Variants in PTPRO observed in about 807,000 individuals in gnomAD.
The protein encoded by PTPRO is protein tyrosine phosphatase receptor type O.
PTPRO carries 62 observed loss-of-function variants against 145.2 expected under a neutral mutation model. The ratio of observed to expected loss-of-function variants is 0.43; its 90% confidence interval spans 0.35 to 0.53. The LOEUF (loss-of-function observed/expected upper bound fraction) is 0.53. Ranked by LOEUF, PTPRO falls within the 20% of genes least tolerant of loss-of-function variation. The probability of loss-of-function intolerance (pLI) is 0.01; values close to 1 mark genes in which losing one functional copy is unlikely to be tolerated. For missense variants in PTPRO, 1,345 were observed against 1,482.7 expected (o/e 0.91, Z 1.53); for synonymous variants, 565 against 514.7 (o/e 1.10, Z -1.32).
intron 1 of PTPRO, among the ~76,000 whole-genome samples, chr12:15,442,119 GA>G (rs1407538285): frequency 6.6e-6 from 1 of 152,060 alleles, no homozygotes. Context: ...CTAGCATACT[GA>G]ATTCAGAAAC....
chr12:15,490,810 C>G (rs1187571576), intron 2 of PTPRO, among the ~76,000 whole-genome samples: 1 of 152,006 alleles, frequency 6.6e-6, no homozygotes, highest in East Asian at 1.9e-4. Context: ...ACAGATTGGG[C>G]AGGGAAATAT....
chr12:15,552,795 C>CTTTTTTT (rs747379253), intron 15 of PTPRO, among the ~76,000 whole-genome samples: 20 of 91,564 alleles, frequency 2.2e-4, no homozygotes, highest in East Asian at 3.8e-4. Context: ...GAGGTCAAAT[C>CTTTTTTT]TTTTTTTTTT....
Position 15,524,923 on chromosome 12 carries a change from C to G in PTPRO, c.2001C>G (p.His667Gln), listed in dbSNP as rs756880818. ...TTDLSHSRMLHWMVVAEGKKK... is the reference protein window; with the variant it reads ...TTDLSHSRMLQWMVVAEGKKK... ...ACTTGTCCCATTCTAGAATGCTTCA[C>G]TGGATGGTGGTTGCAGAAGGAAAAA... Residue 667 changes from histidine (H) to glutamine (Q), a missense_variant, in exon 11 of 27, where the codon CAC becomes CAG. Physicochemically the swap from His to Gln is conservative, Grantham distance 24 (BLOSUM62 0). This residue lies in a region of PTPRO where 1,130 missense variants were observed against 1,214.7 expected (regional missense o/e 0.93). Transcript: ENST00000281171. 6.2e-7 allele frequency: 1 copy of G among 1,613,884 alleles called. No individual in the cohort carries two copies. The highest frequency in any genetic ancestry group is 8.5e-7 in the Non-Finnish European group (1 of 1,179,938).
At chr12:15,535,701 G>A (rs1943053214) in intron 12 of PTPRO, among the ~76,000 whole-genome samples, 1 of 152,134 alleles carries the variant, frequency 6.6e-6, no homozygotes, top group Non-Finnish European at 1.5e-5. Flanking sequence ...ACTGGGGTGT[G>A]GCCTTTTTCC....
At chr12:15,329,140 T>G (rs1360629336) in intron 1 of PTPRO, among the ~76,000 whole-genome samples, 2 of 152,186 alleles carry the variant, frequency 1.3e-5, no homozygotes, top group African/African-American at 4.8e-5. Flanking sequence ...CTCAATACTG[T>G]TCCTTCATTA....
At chr12:15,507,465 G>T (rs547300253) in intron 6 of PTPRO, among the ~76,000 whole-genome samples, 1 of 150,256 alleles carries the variant, frequency 6.7e-6, no homozygotes, top group Non-Finnish European at 1.5e-5. Flanking sequence ...AATGAAATAC[G>T]TAACACATAA....
intron 1 of PTPRO, among the ~76,000 whole-genome samples, chr12:15,444,897 C>T (rs78223111): frequency 6.6e-6 from 1 of 152,114 alleles, no homozygotes; most frequent in African/African-American, 2.4e-5. Flanking sequence ...GTAGTTTTCA[C>T]ACTGGCCTTA....
At chr12:15,572,677 G>A (rs942937441) in intron 19 of PTPRO, among the ~76,000 whole-genome samples, 1 of 152,008 alleles carries the variant, frequency 6.6e-6, no homozygotes, top group East Asian at 1.9e-4. Flanking sequence ...TTTGGAGTTT[G>A]TACAGAAGTT....
At chr12:15,521,407 G>A (rs188123440) in intron 10 of PTPRO, among the ~76,000 whole-genome samples, 48 of 152,264 alleles carry the variant, frequency 3.2e-4, no homozygotes, top group African/African-American at 1.1e-3. Flanking sequence ...CAGTTACTTG[G>A]CAAGCGCTGT....
chr12:15,327,076 T>C (rs925713688), intron 1 of PTPRO, among the ~76,000 whole-genome samples: 6 of 152,356 alleles, frequency 3.9e-5, no homozygotes, highest in African/African-American at 9.6e-5. Context: ...TATTGTAATA[T>C]TGACTTGTGA....
At chr12:15,544,608 C>A (rs1405769474) in intron 12 of PTPRO, among the ~76,000 whole-genome samples, 1 of 150,958 alleles carries the variant, frequency 6.6e-6, no homozygotes, top group African/African-American at 2.4e-5. Context: ...AGAATTGTGA[C>A]TGAGGAACAA....
intron 1 of PTPRO, among the ~76,000 whole-genome samples, chr12:15,450,979 C>A (rs1941031174): frequency 6.6e-6 from 1 of 151,918 alleles, no homozygotes; most frequent in South Asian, 2.1e-4. Flanking sequence ...TGGTACCTCC[C>A]ATCTCAATAC....
intron 1 of PTPRO, among the ~76,000 whole-genome samples, chr12:15,467,516 T>C (rs754834551): frequency 2.5e-4 from 38 of 151,930 alleles, no homozygotes; most frequent in Non-Finnish European, 4.0e-4. Flanking sequence ...ATATGCCTTC[T>C]AAATTCCCCC....
chr12:15,543,006 T>C (rs929734025), intron 12 of PTPRO, among the ~76,000 whole-genome samples: 3 of 152,236 alleles, frequency 2.0e-5, no homozygotes, highest in African/African-American at 7.2e-5. Context: ...TGAAATCTTG[T>C]AATAGTAATA....
At chr12:15,403,361 T>A (rs970152270) in intron 1 of PTPRO, among the ~76,000 whole-genome samples, 4 of 152,088 alleles carry the variant, frequency 2.6e-5, no homozygotes, top group Non-Finnish European at 5.9e-5. Context: ...GGCGGATGGA[T>A]CACCTGAGGT....
At position 15,597,414 on chromosome 12, in the gene PTPRO, C is replaced by G. The variant is rs896566485; in HGVS notation, c.*1341C>G. Reference sequence around the variant, plus strand: ...GGCAACTGTGGCTATTGTGAGCCTCCGTGTGTGTGCTTCCAGGAGGCTTTG... The same window carrying G: ...GGCAACTGTGGCTATTGTGAGCCTCGGTGTGTGTGCTTCCAGGAGGCTTTG... On this transcript the variant is annotated 3_prime_UTR_variant, in exon 27 of 27. Transcript: ENST00000281171. 6.6e-6 allele frequency: 1 copy of G among 152,204 alleles called. No homozygotes were observed. The highest frequency in any genetic ancestry group is 2.4e-5 in the African/African-American group (1 of 41,452). 9.4% of individuals were successfully genotyped at this position (152,204 alleles called of 1,614,324 possible). A position where few individuals can be genotyped will look rare whatever the true frequency, so the allele number is the denominator to read the frequency against.
chr12:15,532,422 T>C (rs1212794798), intron 12 of PTPRO, among the ~76,000 whole-genome samples: 1 of 152,200 alleles, frequency 6.6e-6, no homozygotes, highest in African/African-American at 2.4e-5. Flanking sequence ...TTGAAAGTCA[T>C]GTGGGATGTG....
intron 2 of PTPRO, among the ~76,000 whole-genome samples, chr12:15,491,838 A>G (rs997269018): frequency 3.0e-4 from 46 of 152,342 alleles, no homozygotes; most frequent in Admixed American, 8.5e-4. Flanking sequence ...AAAAGACACT[A>G]TTGAGTCTGG....
intron 1 of PTPRO, among the ~76,000 whole-genome samples, chr12:15,481,052 A>G (rs1484595640): frequency 2.6e-5 from 4 of 152,220 alleles, no homozygotes; most frequent in Non-Finnish European, 2.9e-5. Context: ...AGAGTAATGG[A>G]TAAGGGAAGG....
Sources: allele counts gnomAD v4.1 joint callset (sites outside exome capture counted in the v4.1 genomes callset), GRCh38; gene constraint gnomAD v4.1.1; regional missense constraint gnomAD v4.1.1; transcripts MANE v1.5; gene names NCBI Gene and HGNC (gene_info 2026-07-23, HGNC 2026-07-21).